The following APP variants were observed in gnomAD, a reference collection of about 807,000 sequenced individuals.
APP encodes the protein amyloid beta precursor protein.
APP carries 31 observed loss-of-function variants against 101.4 expected under a neutral mutation model. That is an observed-to-expected ratio of 0.31 (90% CI 0.23 to 0.41). The LOEUF (loss-of-function observed/expected upper bound fraction) is 0.41, where lower values mean the gene tolerates loss of function less well. Among genes scored for constraint, APP ranks in the 10% least tolerant of loss-of-function variants. APP has a pLI of 1.00. For missense variants in APP, 839 were observed against 1,003.7 expected, an observed-to-expected ratio of 0.84 and a Z score of 2.22; for synonymous variants, 366 against 364.4, an observed-to-expected ratio of 1.00 and a Z score of -0.05.
At chr21:25,884,894 T>C (rs2037224422) in intron 17 of APP, among the ~76,000 whole-genome samples, 1 of 152,224 alleles carries the variant, frequency 6.6e-6, no homozygotes, top group African/African-American at 2.4e-5. Flanking sequence ...GATAGGTTTA[T>C]CTCCTCTTCA....
intron 5 of APP, among the ~76,000 whole-genome samples, chr21:26,042,951 A>G (rs2045442313): frequency 6.6e-6 from 1 of 152,162 alleles, no homozygotes; most frequent in Admixed American, 6.5e-5. Context: ...TATCTGGAAC[A>G]TATCAAATGC....
chr21:26,040,120 C>T (rs962481982), intron 5 of APP, among the ~76,000 whole-genome samples: 1 of 151,978 alleles, frequency 6.6e-6, no homozygotes, highest in Non-Finnish European at 1.5e-5. Context: ...CAATTTTATA[C>T]AACATTTTAA....
intron 5 of APP, among the ~76,000 whole-genome samples, chr21:26,049,915 C>G (rs565195012): frequency 6.6e-6 from 1 of 152,270 alleles, no homozygotes; most frequent in South Asian, 2.1e-4. Flanking sequence ...TGACTGTGTT[C>G]AGGTACTGAA....
chr21:26,034,249 T>C (rs2044984525), intron 5 of APP, among the ~76,000 whole-genome samples: 1 of 152,140 alleles, frequency 6.6e-6, no homozygotes, highest in Non-Finnish European at 1.5e-5. Context: ...TTCCTTCCCC[T>C]CTCTCTCCCT....
At chr21:26,170,444 G>A in intron 1 of APP, 120 bp downstream of exon 1, 3 of 1,073,014 alleles carry the variant, frequency 2.8e-6, no homozygotes, top group Non-Finnish European at 4.0e-6. Context: ...GGGCGGAGAG[G>A]AGAGGGGTCC....
At chr21:26,083,529 G>T (rs778831336) in intron 3 of APP, among the ~76,000 whole-genome samples, 1 of 152,200 alleles carries the variant, frequency 6.6e-6, no homozygotes, top group African/African-American at 2.4e-5. Context: ...TTAGCTAGTG[G>T]TTGTATTTTC....
intron 14 of APP, among the ~76,000 whole-genome samples, chr21:25,906,178 G>A (rs981110896): frequency 6.7e-6 from 1 of 148,714 alleles, no homozygotes; most frequent in Non-Finnish European, 1.5e-5. Flanking sequence ...AATAGAAACA[G>A]TGAGGGAGAA....
chr21:26,098,332 T>C (rs982811676), intron 2 of APP, among the ~76,000 whole-genome samples: 1 of 151,902 alleles, frequency 6.6e-6, no homozygotes, highest in African/African-American at 2.4e-5. Context: ...CTTCTCACTA[T>C]CTCTCCAAGT....
intron 13 of APP, among the ~76,000 whole-genome samples, chr21:25,944,420 T>C (rs1187849272): frequency 2.0e-5 from 3 of 152,208 alleles, no homozygotes; most frequent in Admixed American, 6.5e-5. Context: ...TAACCTTCTA[T>C]GATTTACTTT....
intron 5 of APP, among the ~76,000 whole-genome samples, chr21:26,031,764 T>A (rs984600336): frequency 2.0e-5 from 3 of 152,190 alleles, no homozygotes; most frequent in African/African-American, 4.8e-5. Flanking sequence ...GATATTTGAA[T>A]GGAGACACAG....
At chr21:26,107,875 A>G (rs2062220421) in intron 2 of APP, among the ~76,000 whole-genome samples, 1 of 152,238 alleles carries the variant, frequency 6.6e-6, no homozygotes, top group Admixed American at 6.5e-5. Context: ...CTTAGTATCC[A>G]AAGACATTAT....
intron 17 of APP, among the ~76,000 whole-genome samples, chr21:25,887,476 T>C (rs897752321): frequency 6.9e-6 from 1 of 145,324 alleles, no homozygotes; most frequent in Admixed American, 7.2e-5. Context: ...TCTGGCCTTA[T>C]GGCTAAGTAA....
At chr21:26,050,385 T>C (rs895038716) in intron 5 of APP, among the ~76,000 whole-genome samples, 1 of 152,204 alleles carries the variant, frequency 6.6e-6, no homozygotes, top group African/African-American at 2.4e-5. Flanking sequence ...TATAGATGTT[T>C]GCCTTCAGTT....
intron 13 of APP, among the ~76,000 whole-genome samples, chr21:25,918,746 GC>G (rs1225373779): frequency 6.6e-6 from 1 of 151,058 alleles, no homozygotes; most frequent in East Asian, 2.0e-4. Context: ...ACGGAATCGC[GC>G]TGATTGCTAG....
intron 3 of APP, among the ~76,000 whole-genome samples, chr21:26,075,956 C>T (rs906171601): frequency 7.9e-5 from 12 of 152,194 alleles, no homozygotes; most frequent in Middle Eastern, 3.4e-3. Flanking sequence ...TGCAGTGGCG[C>T]GATCTCGGCT....
intron 13 of APP, among the ~76,000 whole-genome samples, chr21:25,950,607 C>A (rs2041032269): frequency 6.6e-6 from 1 of 152,070 alleles, no homozygotes. Context: ...GTCTTGAACT[C>A]CTGACCTCAG....
chr21:26,000,370 C>A (rs1037567106), intron 6 of APP, among the ~76,000 whole-genome samples, 188 bp from the exon 7 acceptor site: 3 of 152,190 alleles, frequency 2.0e-5, no homozygotes, highest in African/African-American at 7.2e-5. Flanking sequence ...CCTCTCAGAG[C>A]ATGCACTGTC....
chr21:25,917,643 T>G (rs1188896354), intron 13 of APP, among the ~76,000 whole-genome samples: 1 of 152,216 alleles, frequency 6.6e-6, no homozygotes, highest in Non-Finnish European at 1.5e-5. Context: ...TTATAATTAC[T>G]GAACAGCTTC....
chr21:26,074,879 T>A (rs1171741567), intron 3 of APP, among the ~76,000 whole-genome samples: 1 of 152,218 alleles, frequency 6.6e-6, no homozygotes, highest in Non-Finnish European at 1.5e-5. Context: ...ACTAGACATG[T>A]GTAGGATAGG....
Sources: allele counts gnomAD v4.1 joint callset (sites outside exome capture counted in the v4.1 genomes callset), GRCh38; gene constraint gnomAD v4.1.1; transcripts MANE v1.5; gene names NCBI Gene and HGNC (gene_info 2026-07-23, HGNC 2026-07-21).